CFI: variants seen among roughly 807,000 people sequenced by gnomAD.
CFI encodes C3B/C4B inactivator.
A neutral mutation model predicts 78.8 loss-of-function variants in CFI; 66 were observed. That is an observed-to-expected ratio of 0.84 (90% confidence interval 0.69 to 1.03). The LOEUF (loss-of-function observed/expected upper bound fraction) is 1.03, where lower values mean the gene tolerates loss of function less well. Among genes scored for constraint, CFI ranks in the 50% least tolerant of loss-of-function variants. The pLI is 0.00. For missense variants in CFI, 706 were observed against 704.5 expected (o/e 1.00, Z -0.02); for synonymous variants, 250 against 232.6 (o/e 1.07, Z -0.68).
chr4:109,756,750 C>T (rs1399381929), intron 7 of CFI, among the ~76,000 whole-genome samples: 2 of 151,542 alleles, frequency 1.3e-5, no homozygotes, highest in African/African-American at 2.4e-5. Context: ...ATCTCAGCTA[C>T]TCGGGAGGTT....
chr4:109,755,568 T>C (rs1185802363), intron 7 of CFI, among the ~76,000 whole-genome samples: 1 of 151,842 alleles, frequency 6.6e-6, no homozygotes, highest in East Asian at 1.9e-4. Context: ...GTAGTGAGAG[T>C]GGGCTTGTTA....
chr4:109,749,117 T>C, intron 10 of CFI, 101 bp downstream of exon 10: 1 of 1,043,530 alleles, frequency 9.6e-7, no homozygotes, highest in Non-Finnish European at 1.5e-6. Flanking sequence ...TAGTGGAGTT[T>C]GTCAGTACCT....
chr4:109,797,452 C>T (rs923914676), intron 1 of CFI, among the ~76,000 whole-genome samples: 4 of 152,154 alleles, frequency 2.6e-5, no homozygotes, highest in African/African-American at 9.7e-5. Flanking sequence ...CTTACACATA[C>T]ACCTGAAATC....
intron 3 of CFI, chr4:109,762,721 A>G (rs930239444): frequency 1.3e-5 from 2 of 152,226 alleles, no homozygotes; most frequent in African/African-American, 4.8e-5. Context: ...GAGAACAAAC[A>G]AGAGCCATTT....
intron 1 of CFI, chr4:109,793,397 C>T (rs1731625131): frequency 3.9e-5 from 6 of 152,218 alleles, no homozygotes; most frequent in Admixed American, 3.3e-4. Context: ...TAATATAATA[C>T]TGGCTTTTAT....
chr4:109,742,436 T>G, intron 12 of CFI, 55 bp downstream of exon 12: 1 of 1,166,478 alleles, frequency 8.6e-7, no homozygotes, highest in South Asian at 1.2e-5. Context: ...GAGGAGATGT[T>G]TGATAGGGGA....
At chr4:109,750,783 C>T (rs534034457) in intron 8 of CFI, among the ~76,000 whole-genome samples, 14 of 152,182 alleles carry the variant, frequency 9.2e-5, no homozygotes, top group Non-Finnish European at 2.1e-4. Context: ...GGAGTTAGGC[C>T]CCCAAGAAAG....
At chr4:109,758,037 T>A in intron 6 of CFI, 1 of 1,082,776 alleles carries the variant, frequency 9.2e-7, no homozygotes, top group Non-Finnish European at 1.3e-6. Context: ...ATTATTAAAT[T>A]TCAGACTAGT....
chr4:109,778,121 A>G (rs956734122), intron 1 of CFI, among the ~76,000 whole-genome samples: 60 of 152,220 alleles, frequency 3.9e-4, no homozygotes, highest in African/African-American at 1.4e-3. Context: ...AAGGCAAGAA[A>G]TAACTAAGAT....
chr4:109,770,847 C>A (rs1201972770), intron 1 of CFI, among the ~76,000 whole-genome samples: 1 of 152,148 alleles, frequency 6.6e-6, no homozygotes, highest in Non-Finnish European at 1.5e-5. Context: ...CTAAGCCCCA[C>A]AGAACCCCAG....
At chr4:109,785,733 G>T (rs1465893570) in intron 1 of CFI, among the ~76,000 whole-genome samples, 1 of 152,040 alleles carries the variant, frequency 6.6e-6, no homozygotes, top group African/African-American at 2.4e-5. Flanking sequence ...AGACCAAGTG[G>T]AGGTAATTAA....
intron 10 of CFI, 73 bp downstream of exon 10, chr4:109,749,145 T>C (rs954550786): frequency 4.6e-6 from 6 of 1,292,502 alleles, no homozygotes; most frequent in Non-Finnish European, 6.8e-6. Flanking sequence ...ATATGCTTTA[T>C]CATCTGCCAC....
rs750136816 is a variant in CFI, at chr4:109,766,582, A to G, written c.300T>C (p.Phe100=). 2.5e-6 allele frequency: 4 copies of G among 1,614,222 alleles called. No homozygotes were observed. Among genetic ancestry groups the G allele is most frequent in the South Asian group, 1.1e-5 (1 of 91,084 alleles). The change falls in exon 2 of 13, where the codon TTT becomes TTC. Residue 100 remains phenylalanine (F), a synonymous_variant. Transcript: ENST00000394634. ...CGGCTGTGCATGTTCCGTTATTTAA[A>G]AACTTTGTCCCTGGATGAAGACATT... is the stretch of plus-strand genomic sequence containing the variant. The part of the protein sequence containing the change: ...SLECLHPGTK[F]LNNGTCTAEG...
At chr4:109,757,169 T>C (rs1019289102) in intron 7 of CFI, among the ~76,000 whole-genome samples, 6 of 151,166 alleles carry the variant, frequency 4.0e-5, no homozygotes, top group South Asian at 2.1e-4. Context: ...GCTGGGACTA[T>C]AGGCTCCCGC....
intron 1 of CFI, among the ~76,000 whole-genome samples, chr4:109,783,173 T>C (rs961421921): frequency 7.2e-5 from 11 of 151,898 alleles, no homozygotes; most frequent in African/African-American, 2.7e-4. Flanking sequence ...CAAAGATAAA[T>C]AGCTGGGACT....
chr4:109,735,614 C>T, the CFI span, among the ~76,000 whole-genome samples: 5 of 152,146 alleles, frequency 3.3e-5, no homozygotes, highest in South Asian at 1.0e-3. Flanking sequence ...CAGTTCCAGC[C>T]ATAATGGTTA....
intron 1 of CFI, among the ~76,000 whole-genome samples, chr4:109,784,865 G>T (rs554298154): frequency 6.7e-6 from 1 of 149,164 alleles, no homozygotes; most frequent in East Asian, 2.0e-4. Context: ...TGACCTGCAC[G>T]TATACATCCA....
At chr4:109,794,805 AT>A (rs1731852476) in intron 1 of CFI, among the ~76,000 whole-genome samples, 1 of 152,112 alleles carries the variant, frequency 6.6e-6, no homozygotes, top group Admixed American at 6.6e-5. Flanking sequence ...AAACAATTCT[AT>A]TTATTTATTA....
At chr4:109,749,344 CACTGCCATTCTAACAGATAGCGATACAA>C in intron 9 of CFI, 23 bp from the exon 10 acceptor site, 5 of 1,594,674 alleles carry the variant, frequency 3.1e-6, no homozygotes, top group Non-Finnish European at 2.6e-6. Flanking sequence ...TTTGTGTGGT[CACTGCCATTCTAACAGATAGCGATACAA>C]ACAGCCCTAA....
Sources: gnomAD v4.1 joint callset for allele counts (sites outside exome capture counted in the v4.1 genomes callset) on GRCh38, gnomAD v4.1.1 for gene constraint, MANE v1.5 for transcripts, NCBI Gene and HGNC (gene_info 2026-07-23, HGNC 2026-07-21) for gene names.